The following MAOB variants were observed in gnomAD, a reference collection of about 807,000 sequenced individuals.
The protein encoded by MAOB is monoamine oxidase B, also known as amine oxidase [flavin-containing] B.
MAOB carries 15 observed loss-of-function variants against 41.9 expected under a neutral mutation model. That is an observed-to-expected ratio of 0.36 (90% confidence interval 0.24 to 0.55). MAOB has a LOEUF of 0.55. Among genes scored for constraint, MAOB ranks in the 20% least tolerant of loss-of-function variants. The pLI, the probability that MAOB is intolerant of heterozygous loss-of-function variation, is 0.86. For synonymous variants in MAOB, 167 were observed against 144.2 expected, an observed-to-expected ratio of 1.16 and a Z score of -1.13; for missense variants, 345 against 398.7, an observed-to-expected ratio of 0.87 and a Z score of 1.15.
At chrX:43,812,730 G>T (rs946359146) in intron 3 of MAOB, among the ~76,000 whole-genome samples, 10 of 112,487 alleles carry the variant, frequency 8.9e-5, no homozygotes, top group African/African-American at 3.2e-4. Flanking sequence ...TAAGCACACA[G>T]AATTGGCACT....
intron 1 of MAOB, among the ~76,000 whole-genome samples, chrX:43,870,383 G>A (rs2035393857): frequency 9.0e-6 from 1 of 110,503 alleles, no homozygotes; most frequent in Non-Finnish European, 1.9e-5. Flanking sequence ...CCAGCATAGT[G>A]ATCAACCTCT....
chrX:43,829,849 T>C (rs2034994433), intron 3 of MAOB, among the ~76,000 whole-genome samples: 1 of 112,021 alleles, frequency 8.9e-6, no homozygotes, highest in Admixed American at 9.5e-5. Context: ...ATACACAGAA[T>C]CTACTAACCT....
chrX:43,788,361 A>G, intron 8 of MAOB, among the ~76,000 whole-genome samples: 1 of 111,765 alleles, frequency 8.9e-6, no homozygotes. Flanking sequence ...TTTCAACATG[A>G]GATTTGGAGA....
intron 11 of MAOB, among the ~76,000 whole-genome samples, chrX:43,776,230 T>C (rs1205240139): frequency 8.9e-6 from 1 of 112,445 alleles, no homozygotes; most frequent in Non-Finnish European, 1.9e-5. Context: ...ATTTCTTCCT[T>C]CCACAAAATA....
intron 5 of MAOB, among the ~76,000 whole-genome samples, chrX:43,800,648 G>A (rs1226255081): frequency 9.0e-6 from 1 of 111,219 alleles, no homozygotes; most frequent in Non-Finnish European, 1.9e-5. Context: ...TAACCAATGT[G>A]TTCAACAGGA....
intron 2 of MAOB, among the ~76,000 whole-genome samples, chrX:43,843,396 C>G (rs868473965): frequency 9.4e-6 from 1 of 106,850 alleles, no homozygotes; most frequent in African/African-American, 3.5e-5. Flanking sequence ...CACACACACA[C>G]ACACACACAC....
At chrX:43,792,979 C>T (rs963305891) in intron 8 of MAOB, among the ~76,000 whole-genome samples, 4 of 111,973 alleles carry the variant, frequency 3.6e-5, no homozygotes, top group Non-Finnish European at 5.6e-5. Context: ...ATGTATATAG[C>T]ATGGAATACT....
chrX:43,866,788 C>A (rs2035368025), intron 1 of MAOB, among the ~76,000 whole-genome samples: 1 of 112,551 alleles, frequency 8.9e-6, no homozygotes, highest in African/African-American at 3.2e-5. Context: ...TGATGGGACA[C>A]AAATGAGCAG....
chrX:43,811,286 C>A (rs1414852945), intron 3 of MAOB, among the ~76,000 whole-genome samples: 1 of 111,278 alleles, frequency 9.0e-6, no homozygotes, highest in Non-Finnish European at 1.9e-5. Context: ...GCCCTTTTGC[C>A]ATCATATTCT....
At chrX:43,794,635 A>G (rs748848331) in intron 7 of MAOB, among the ~76,000 whole-genome samples, 1 of 110,815 alleles carries the variant, frequency 9.0e-6, no homozygotes, top group East Asian at 2.9e-4. Flanking sequence ...TTCTAATTAC[A>G]TAAAAGCAAA....
rs137989609 is a variant in MAOB, at chrX:43,864,821, C to T, written c.46+17433G>A. Among the ~76,000 whole-genome samples, 356 of 111,316 alleles carry T rather than the reference C, an allele frequency of 3.2e-3. 1 individual carries two copies. The highest frequency in any genetic ancestry group is 9.2e-3 in the Middle Eastern group (2 of 218). ...TAAGAGTTTTTCCCAAAGGATCTCT[C>T]CCAGCACCAACCATCTCAGAAAAGC... On this transcript the variant is annotated intron_variant, in intron 1 of 14. Coordinates refer to ENST00000378069, the MANE Select transcript of MAOB (RefSeq NM_000898.5).
At chrX:43,788,141 C>T (rs1473023803) in intron 8 of MAOB, among the ~76,000 whole-genome samples, 1 of 110,929 alleles carries the variant, frequency 9.0e-6, no homozygotes, top group African/African-American at 3.3e-5. Context: ...GAGGAGCTGG[C>T]GTGTGCAGAT....
intron 1 of MAOB, among the ~76,000 whole-genome samples, chrX:43,861,214 T>C (rs1386598182): frequency 8.9e-6 from 1 of 112,501 alleles, no homozygotes; most frequent in Non-Finnish European, 1.9e-5. Context: ...CCTCAACAAA[T>C]ATTTGTTGCT....
At chrX:43,853,013 A>C (rs2035261744) in intron 1 of MAOB, among the ~76,000 whole-genome samples, 1 of 111,053 alleles carries the variant, frequency 9.0e-6, no homozygotes, top group Non-Finnish European at 1.9e-5. Flanking sequence ...AAAGTAGAAA[A>C]TGATGGGCCA....
At chrX:43,769,671 A>G (rs768460569) in intron 12 of MAOB, among the ~76,000 whole-genome samples, 8 of 111,581 alleles carry the variant, frequency 7.2e-5, no homozygotes, top group Non-Finnish European at 1.3e-4. Context: ...ATGGACGTAA[A>G]TTATGTATTT....
At chrX:43,807,380 T>C (rs1411393200) in intron 3 of MAOB, among the ~76,000 whole-genome samples, 2 of 112,580 alleles carry the variant, frequency 1.8e-5, no homozygotes, top group Non-Finnish European at 3.8e-5. Flanking sequence ...TTCCAGGAAG[T>C]ATGCCCAGAT....
intron 1 of MAOB, among the ~76,000 whole-genome samples, chrX:43,845,926 C>T (rs887685811): frequency 1.8e-5 from 2 of 111,854 alleles, no homozygotes; most frequent in African/African-American, 6.5e-5. Context: ...TCACCGGGGG[C>T]AGAGCCAATG....
chrX:43,802,850 G>A (rs2034613687), intron 4 of MAOB, among the ~76,000 whole-genome samples: 1 of 110,932 alleles, frequency 9.0e-6, no homozygotes. Flanking sequence ...AAACCTAGAC[G>A]ATGGGTTGAT....
chrX:43,826,209 C>T (rs1356257432), intron 3 of MAOB, among the ~76,000 whole-genome samples: 2 of 111,695 alleles, frequency 1.8e-5, no homozygotes, highest in Non-Finnish European at 3.8e-5. Context: ...GGGTGGGAGC[C>T]GGTGATGTTA....
Sources: gnomAD v4.1 joint callset for allele counts (sites outside exome capture counted in the v4.1 genomes callset) on GRCh38, gnomAD v4.1.1 for gene constraint, MANE v1.5 for transcripts, NCBI Gene and HGNC (gene_info 2026-07-23, HGNC 2026-07-21) for gene names.